MCM3: variants seen among roughly 807,000 people sequenced by gnomAD.
The protein encoded by MCM3 is DNA replication licensing factor MCM3.
MCM3 carries 59 observed loss-of-function variants against 91.3 expected under a neutral mutation model. The observed-to-expected ratio is 0.65, with a 90% CI of 0.52 to 0.80. MCM3 has a LOEUF of 0.80. Ranked by LOEUF, MCM3 falls within the 30% of genes least tolerant of loss-of-function variation. The pLI, the probability that MCM3 is intolerant of heterozygous loss-of-function variation, is 0.00. For synonymous variants in MCM3, 383 were observed against 379.6 expected, an observed-to-expected ratio of 1.01 and a Z score of -0.10; for missense variants, 919 against 1,035.4, an observed-to-expected ratio of 0.89 and a Z score of 1.54.
intron 12 of MCM3, among the ~76,000 whole-genome samples, chr6:52,269,873 G>C (rs1764952711): frequency 6.6e-6 from 1 of 152,200 alleles, no homozygotes; most frequent in Non-Finnish European, 1.5e-5. Context: ...GGAAATGAAT[G>C]AATCAGAAAT....
At chr6:52,272,147 TAAAAGG>T (rs1281330737) in intron 12 of MCM3, among the ~76,000 whole-genome samples, 148 bp downstream of exon 12, 4 of 152,126 alleles carry the variant, frequency 2.6e-5, no homozygotes, top group African/African-American at 9.7e-5. Context: ...TTTTCCTTTA[TAAAAGG>T]AAATGATTAA....
In MCM3 at chr6:52,277,243, A is replaced by ACCCCCAGCAAATTCTG. The variant is rs779272578; in HGVS notation, c.1034-61_1034-46dup. ...ATGACTCTCTAGGAAACTCCCCAGC[A>ACCCCCAGCAAATTCTG]CCCCCAGCAAATTCTGCCTTTCTAG... On this transcript the variant is annotated intron_variant, in intron 7 of 16. Coordinates refer to ENST00000596288, the MANE Select transcript of MCM3 (RefSeq NM_002388.6). 1.0e-5 allele frequency: 16 copies of ACCCCCAGCAAATTCTG among 1,587,288 alleles called. No individual in the cohort carries two copies. The East Asian group carries it at 3.4e-4, about 34-fold the overall frequency.
At chr6:52,273,470 A>G in intron 10 of MCM3, 114 bp from the exon 11 acceptor site, 6 of 1,103,808 alleles carry the variant, frequency 5.4e-6, no homozygotes, top group Non-Finnish European at 6.5e-6. Flanking sequence ...AAAGGGCCCA[A>G]AAAGAATCAG....
At position 52,266,153 on chromosome 6, in the gene MCM3, G is replaced by C; in HGVS notation, c.2159-9C>G. On this transcript the variant is annotated splice_polypyrimidine_tract_variant and intron_variant, in intron 15 of 16. Coordinates refer to ENST00000596288, the MANE Select transcript of MCM3 (RefSeq NM_002388.6). ...CGTCTTTGGAGTGTGTACTTCAGAG[G>C]GTTGATGGTTGTAGAGATGGGGAAG... 6.2e-7 allele frequency: 1 copy of C among 1,610,412 alleles called. No homozygotes were observed. Among genetic ancestry groups the C allele is most frequent in the African/African-American group, 1.3e-5 (1 of 74,972 alleles).
chr6:52,276,581 A>AG, intron 8 of MCM3, 105 bp from the exon 9 acceptor site: 4 of 956,080 alleles, frequency 4.2e-6, no homozygotes, highest in Non-Finnish European at 6.2e-6. Flanking sequence ...TGCACGTGAG[A>AG]ATGCGGCAAT....
rs17239986 is a variant in MCM3, at chr6:52,276,067, A to T, written c.1374+201T>A. On this transcript the variant is annotated intron_variant, in intron 9 of 16. Coordinates refer to ENST00000596288, the MANE Select transcript of MCM3 (RefSeq NM_002388.6). The stretch of plus-strand genomic sequence containing the variant: ...TACTGTTAAAAAGTTACTTTTAAAT[A>T]AGGAACTTTCCAGGGGATTCTGCTG... 1,858 of 580,182 alleles carry T rather than the reference A, an allele frequency of 3.2e-3. 26 individuals carry two copies. The highest frequency in any genetic ancestry group is 0.032 in the African/African-American group (1,699 of 53,640). 35.9% of individuals were successfully genotyped at this position (580,182 alleles called of 1,614,324 possible).
chr6:52,275,951 A>G (rs1159251436), intron 9 of MCM3: 5 of 273,614 alleles, frequency 1.8e-5, no homozygotes, highest in Admixed American at 1.5e-4. Flanking sequence ...TTCATACTAT[A>G]TACCTGTTCT....
intron 8 of MCM3, 123 bp downstream of exon 8, chr6:52,276,944 G>C: frequency 8.9e-7 from 1 of 1,126,534 alleles, no homozygotes; most frequent in Non-Finnish European, 1.3e-6. Context: ...TGAATACTCA[G>C]TCCTCTATAA....
At chr6:52,276,080 G>A (rs1040663979) in intron 9 of MCM3, 188 bp downstream of exon 9, 6 of 594,830 alleles carry the variant, frequency 1.0e-5, no homozygotes, top group Non-Finnish European at 1.8e-5. Flanking sequence ...GAACTTTCCA[G>A]GGGATTCTGC....
intron 2 of MCM3, 64 bp downstream of exon 2, chr6:52,283,230 C>T: frequency 7.4e-7 from 1 of 1,348,210 alleles, no homozygotes; most frequent in East Asian, 2.3e-5. Context: ...GAGGCTGTTC[C>T]AATCTGGCCA....
At chr6:52,280,023 T>G (rs907474591) in intron 4 of MCM3, among the ~76,000 whole-genome samples, 6 of 152,232 alleles carry the variant, frequency 3.9e-5, no homozygotes, top group African/African-American at 1.4e-4. Flanking sequence ...ACACGGTATA[T>G]TCACATAAAT....
intron 9 of MCM3, 167 bp downstream of exon 9, chr6:52,276,101 T>A (rs1765534620): frequency 1.6e-6 from 1 of 630,848 alleles, no homozygotes; most frequent in Non-Finnish European, 2.7e-6. Context: ...TGTGCAGGAA[T>A]GGGTGAGGAA....
intron 10 of MCM3, 107 bp downstream of exon 10, chr6:52,273,635 A>G (rs1034601775): frequency 8.4e-6 from 10 of 1,197,092 alleles, no homozygotes; most frequent in African/African-American, 1.5e-5. Flanking sequence ...GCTCTTCAAC[A>G]TCAACCCGGA....
chr6:52,283,310 C>T lies in MCM3; in HGVS notation c.175G>A (p.Glu59Lys), dbSNP rs1475520607. The T allele has an allele frequency of 3.7e-6, 6 of 1,614,050 alleles. No homozygotes were observed. Among genetic ancestry groups the T allele is most frequent in the Middle Eastern group, 1.6e-4 (1 of 6,062 alleles). Residue 59 changes from glutamate (E) to lysine (K), a missense_variant, in exon 2 of 17, where the codon GAG (glutamate) becomes AAG (lysine). By Grantham distance (56) the Glu-to-Lys change is moderately conservative. Around this residue, in one of 3 missense-constraint regions of MCM3, gnomAD observed 401 missense variants for 402.7 expected, o/e 1.00. Transcript: ENST00000596288. ...VNVNDLRRKN[E>K]KRANRLLNNA... ...GCCTCTCACCGGTTAGCCCTCTTCTCGTTTTTCCTGCGCAGGTCATTCACA... is the reference window on the plus strand; with the variant it reads ...GCCTCTCACCGGTTAGCCCTCTTCTTGTTTTTCCTGCGCAGGTCATTCACA...
At chr6:52,279,035 G>A (rs1765830211) in intron 5 of MCM3, among the ~76,000 whole-genome samples, 185 bp from the exon 6 acceptor site, 1 of 152,186 alleles carries the variant, frequency 6.6e-6, no homozygotes, top group Non-Finnish European at 1.5e-5. Flanking sequence ...CAAATATGCT[G>A]ATCATGCCCC....
At position 52,275,916 on chromosome 6, in the gene MCM3, GGA is replaced by G. The variant is rs71944334; in HGVS notation, c.1374+350_1374+351del. The G allele has an allele frequency of 7.1e-3, 1,248 of 174,570 alleles. 11 individuals are homozygous for G. Among genetic ancestry groups the G allele is most frequent in the African/African-American group, 0.028 (1,190 of 42,386 alleles). The allele number at this position is 174,570 out of a possible 1,614,324, so 10.8% of individuals were successfully genotyped here. On this transcript the variant is annotated intron_variant, in intron 9 of 16. Transcript: ENST00000596288. ...GCTGTTATTTCTTGGCAAAGTGACA[GGA>G]GAGAGAAGCAAGTCTTTTCGTTTTC...
intron 6 of MCM3, 46 bp from the exon 7 acceptor site, chr6:52,277,734 A>C (rs566611385): frequency 6.3e-7 from 1 of 1,575,704 alleles, no homozygotes; most frequent in South Asian, 1.1e-5. Context: ...ATTCAATGGG[A>C]CTTTGTGGAG....
At chr6:52,278,702 A>C (rs1198690047) in intron 6 of MCM3, 40 bp downstream of exon 6, 1 of 1,415,988 alleles carries the variant, frequency 7.1e-7, no homozygotes, top group Non-Finnish European at 9.9e-7. Context: ...AACTCTTAGA[A>C]ATCCATTCCC....
In MCM3 at chr6:52,277,529, T is replaced by A; in HGVS notation, c.1033+6A>T. The A allele has an allele frequency of 6.2e-7, 1 of 1,611,010 alleles. No homozygotes were observed. Among genetic ancestry groups the A allele is most frequent in the Non-Finnish European group, 8.5e-7 (1 of 1,178,456 alleles). On this transcript the variant is annotated splice_donor_region_variant and intron_variant, in intron 7 of 16. Coordinates refer to ENST00000596288, the MANE Select transcript of MCM3 (RefSeq NM_002388.6). Reference sequence around the variant, plus strand: ...AACAGTCTAAAGCAAATCCCCAACATCGTACCTATTAGAAGAATATTGATG... The same window carrying A: ...AACAGTCTAAAGCAAATCCCCAACAACGTACCTATTAGAAGAATATTGATG...
Sources: gnomAD v4.1 joint callset for allele counts (sites outside exome capture counted in the v4.1 genomes callset) on GRCh38, gnomAD v4.1.1 for gene constraint, gnomAD v4.1.1 regional missense constraint, MANE v1.5 for transcripts, NCBI Gene and HGNC (gene_info 2026-07-23, HGNC 2026-07-21) for gene names.